CSMD1: variants seen among roughly 807,000 people sequenced by gnomAD.
The protein encoded by CSMD1 is CUB and Sushi multiple domains 1.
A neutral mutation model predicts 417.5 loss-of-function variants in CSMD1; 213 were observed. The ratio of observed to expected loss-of-function variants is 0.51; its 90% confidence interval spans 0.46 to 0.57. CSMD1 has a LOEUF of 0.57. Among genes scored for constraint, CSMD1 ranks in the 20% least tolerant of loss-of-function variants. CSMD1 has a pLI of 0.00. For missense variants in CSMD1, 6,923 were observed against 4,529.7 expected (o/e 1.53, Z -15.17); for synonymous variants, 2,862 against 1,736.8 (o/e 1.65, Z -16.11).
At chr8:3,571,404 C>A (rs1799936833) in intron 10 of CSMD1, among the ~76,000 whole-genome samples, 1 of 152,112 alleles carries the variant, frequency 6.6e-6, no homozygotes. Flanking sequence ...GTACGGAGAA[C>A]ATATATTGTT....
At chr8:3,974,585 T>C (rs1032818107) in intron 5 of CSMD1, among the ~76,000 whole-genome samples, 1 of 152,080 alleles carries the variant, frequency 6.6e-6, no homozygotes, top group Non-Finnish European at 1.5e-5. Flanking sequence ...GGCAATCCTT[T>C]TTCTAATAAC....
intron 3 of CSMD1, among the ~76,000 whole-genome samples, chr8:4,233,443 T>C (rs1396763919): frequency 2.0e-5 from 3 of 152,168 alleles, no homozygotes; most frequent in Non-Finnish European, 4.4e-5. Context: ...TGTGATGGTA[T>C]TTGGAGATGG....
At chr8:4,667,512 T>C (rs900318804) in intron 1 of CSMD1, among the ~76,000 whole-genome samples, 5 of 152,188 alleles carry the variant, frequency 3.3e-5, no homozygotes, top group African/African-American at 1.2e-4. Context: ...ACCCTCCTTT[T>C]ATGTAGGTCT....
At chr8:4,117,332 G>C (rs1357540897) in intron 3 of CSMD1, among the ~76,000 whole-genome samples, 2 of 151,064 alleles carry the variant, frequency 1.3e-5, no homozygotes, top group African/African-American at 4.8e-5. Context: ...CCGTCTGCCT[G>C]TACCAACACT....
chr8:3,406,529 C>T (rs554487098), intron 14 of CSMD1, among the ~76,000 whole-genome samples: 3 of 152,182 alleles, frequency 2.0e-5, no homozygotes, highest in South Asian at 2.1e-4. Flanking sequence ...TAGAAAGTGT[C>T]TGGGCTCAAG....
chr8:4,937,510 G>C (rs10095007), intron 1 of CSMD1, among the ~76,000 whole-genome samples: 37,172 of 152,014 alleles, frequency 0.24, 4,667 homozygotes, highest in East Asian at 0.38. Context: ...GCACAGAATG[G>C]TGACAAAAAA....
intron 7 of CSMD1, among the ~76,000 whole-genome samples, chr8:3,625,810 G>T (rs369200941): frequency 1.3e-5 from 2 of 151,756 alleles, no homozygotes; most frequent in African/African-American, 4.8e-5. Context: ...TTTTAACATC[G>T]CCTGCCCTAG....
At chr8:3,982,160 A>AATAATAAT in intron 5 of CSMD1, among the ~76,000 whole-genome samples, 1 of 89,516 alleles carries the variant, frequency 1.1e-5, no homozygotes, top group South Asian at 3.0e-4. Flanking sequence ...TCTATCTCAA[A>AATAATAAT]AATAATAATA....
chr8:4,354,774 C>A (rs1025131815), intron 3 of CSMD1, among the ~76,000 whole-genome samples: 1 of 151,878 alleles, frequency 6.6e-6, no homozygotes, highest in Non-Finnish European at 1.5e-5. Flanking sequence ...TTTCCCCCCT[C>A]CCAGAAAAAT....
At chr8:2,954,986 G>C (rs950488967) in intron 64 of CSMD1, among the ~76,000 whole-genome samples, 1 of 152,142 alleles carries the variant, frequency 6.6e-6, no homozygotes, top group Admixed American at 6.6e-5. Flanking sequence ...ATTACAAACA[G>C]GGGAGAACCT....
At chr8:4,921,021 A>G (rs866815581) in intron 1 of CSMD1, among the ~76,000 whole-genome samples, 1 of 133,422 alleles carries the variant, frequency 7.5e-6, no homozygotes. Flanking sequence ...GAAAAGAAAG[A>G]AAGGAAGAAA....
chr8:3,020,389 CAG>C (rs1809264592), intron 51 of CSMD1, among the ~76,000 whole-genome samples: 2 of 152,312 alleles, frequency 1.3e-5, no homozygotes, highest in African/African-American at 4.8e-5. Context: ...TTTATGTAGA[CAG>C]AGTCTTGCTC....
chr8:4,320,938 G>A (rs1009522756), intron 3 of CSMD1, among the ~76,000 whole-genome samples: 4 of 152,092 alleles, frequency 2.6e-5, no homozygotes, highest in African/African-American at 9.7e-5. Flanking sequence ...TCTCCTCCCA[G>A]TGTGAGGTCC....
intron 2 of CSMD1, among the ~76,000 whole-genome samples, chr8:4,502,601 T>G (rs1166807982): frequency 6.6e-6 from 1 of 152,176 alleles, no homozygotes; most frequent in Non-Finnish European, 1.5e-5. Context: ...CTCCTCATTT[T>G]AAAAAAGGAC....
intron 50 of CSMD1, among the ~76,000 whole-genome samples, chr8:3,051,194 A>G (rs1204887864): frequency 6.6e-6 from 1 of 152,220 alleles, no homozygotes; most frequent in Non-Finnish European, 1.5e-5. Context: ...TATGGAATCA[A>G]CCCAAATGCC....
chr8:4,703,851 A>G (rs1233687103), intron 1 of CSMD1, among the ~76,000 whole-genome samples: 1 of 152,176 alleles, frequency 6.6e-6, no homozygotes, highest in Non-Finnish European at 1.5e-5. Context: ...TCTCTGGCAG[A>G]CAATTTTTCC....
intron 30 of CSMD1, among the ~76,000 whole-genome samples, chr8:3,207,132 CTTTTTTTTTTTTCATTTTCT>C (rs1797339844): frequency 7.6e-6 from 1 of 130,964 alleles, no homozygotes; most frequent in Non-Finnish European, 1.6e-5. Flanking sequence ...TGGCCATTTT[CTTTTTTTTTTTTCATTTTCT>C]TTTTTTTTTT....
chr8:3,292,353 C>T (rs921911581), intron 25 of CSMD1, among the ~76,000 whole-genome samples: 2 of 152,036 alleles, frequency 1.3e-5, no homozygotes, highest in African/African-American at 4.8e-5. Context: ...CCGCTTGGTG[C>T]AGAGCTGAGT....
intron 2 of CSMD1, among the ~76,000 whole-genome samples, chr8:4,421,857 GAACA>G (rs1397135898): frequency 6.6e-6 from 1 of 151,652 alleles, no homozygotes; most frequent in Admixed American, 6.6e-5. Context: ...AAAGAAAAAA[GAACA>G]AATAATGAAA....
Sources: allele counts gnomAD v4.1 joint callset (sites outside exome capture counted in the v4.1 genomes callset), GRCh38; gene constraint gnomAD v4.1.1; transcripts MANE v1.5; gene names NCBI Gene and HGNC (gene_info 2026-07-23, HGNC 2026-07-21).